Variants in INSL6 observed in about 807,000 individuals in gnomAD.
The protein encoded by INSL6 is insulin like 6, also known as insulin-like peptide INSL6.
In INSL6, 16 loss-of-function variants were observed where a neutral mutation model predicts 9.4. The ratio of observed to expected loss-of-function variants is 1.70; its 90% CI spans 1.15 to 2.59. The LOEUF is 2.59. INSL6 is among the 30% of genes most tolerant of loss of function. The pLI is 0.00. For synonymous variants in INSL6, 154 were observed against 96.9 expected (o/e 1.59, Z -3.46); for missense variants, 391 against 257.3 (o/e 1.52, Z -3.56).
At chr9:5,062,602 A>ATAC in the INSL6 span, among the ~76,000 whole-genome samples, 2 of 150,610 alleles carry the variant, frequency 1.3e-5, no homozygotes, top group African/African-American at 4.9e-5. Flanking sequence ...AATAAGAGGG[A>ATAC]TACTAGTTAG....
the INSL6 span, chr9:5,112,165 C>T: frequency 3.6e-6 from 1 of 277,964 alleles, no homozygotes; most frequent in South Asian, 3.1e-5. Context: ...CACGCTGCTA[C>T]CCGGCCACCG....
chr9:4,998,848 T>G, the INSL6 span, among the ~76,000 whole-genome samples: 1 of 152,122 alleles, frequency 6.6e-6, no homozygotes, highest in Non-Finnish European at 1.5e-5. Flanking sequence ...GTTCTTTTTT[T>G]GAGATGGAGT....
At chr9:5,131,599 G>A (rs147520058) in intron 3 of INSL6, among the ~76,000 whole-genome samples, 43 of 151,830 alleles carry the variant, frequency 2.8e-4, no homozygotes, top group South Asian at 6.3e-4. Context: ...CACCACGCCC[G>A]GCTAATTTTT....
Position 5,164,235 on chromosome 9 carries a change from C to T in INSL6, c.320G>A (p.Ser107Asn), listed in dbSNP as rs757560259. 1 of 1,606,068 alleles carries T rather than the reference C, an allele frequency of 6.2e-7. No homozygotes were observed. Among genetic ancestry groups the T allele is most frequent in the Non-Finnish European group, 8.5e-7 (1 of 1,177,078 alleles). The change falls in exon 2 of 2, where the codon AGT becomes AAT. Residue 107 changes from serine to asparagine, a missense_variant. By Grantham distance (46) the Ser-to-Asn change is conservative. Transcript: ENST00000381641. ...CTCAGGTAGTGACTGCATTTCCCAA[C>T]TGTTTACTGCTTCTTCCCAAGAAGT... ...VSTSWEEAVNSWEMQSLPEYK... is the reference protein window; with the variant it reads ...VSTSWEEAVNNWEMQSLPEYK...
chr9:5,023,024 A>T, the INSL6 span, among the ~76,000 whole-genome samples: 1 of 152,206 alleles, frequency 6.6e-6, no homozygotes, highest in Non-Finnish European at 1.5e-5. Context: ...GTACATTTCA[A>T]GTTCCTTCTA....
At chr9:5,185,183 T>C in intron 1 of INSL6, 131 bp downstream of exon 1, 2 of 1,161,858 alleles carry the variant, frequency 1.7e-6, no homozygotes, top group Non-Finnish European at 2.5e-6. Context: ...CACTGTTTTT[T>C]ACAATTTTTT....
the INSL6 span, chr9:5,089,770 G>A: frequency 1.3e-5 from 21 of 1,599,002 alleles, no homozygotes; most frequent in East Asian, 4.9e-4. Flanking sequence ...TAGTACTGAA[G>A]AGCACCTAAG....
downstream of INSL6, among the ~76,000 whole-genome samples, chr9:5,159,511 A>G (rs1280540209): frequency 6.6e-6 from 1 of 152,180 alleles, no homozygotes; most frequent in African/African-American, 2.4e-5. Context: ...CTCTACTTAT[A>G]TTAGACAAAT....
chr9:5,121,070 A>T (rs966871), downstream of INSL6, among the ~76,000 whole-genome samples: 58,519 of 152,016 alleles, frequency 0.38, 12,870 homozygotes, highest in African/African-American at 0.62. Context: ...AATCTGATGA[A>T]GAGACCCTGG....
the INSL6 span, among the ~76,000 whole-genome samples, chr9:5,026,627 G>C: frequency 6.6e-6 from 1 of 152,152 alleles, no homozygotes; most frequent in South Asian, 2.1e-4. Context: ...ATTGAAGTGT[G>C]GTTAGAGAAC....
At chr9:5,075,052 CA>C in the INSL6 span, among the ~76,000 whole-genome samples, 1 of 151,952 alleles carries the variant, frequency 6.6e-6, no homozygotes, top group African/African-American at 2.4e-5. Flanking sequence ...TCCCTTGAGC[CA>C]AAGCCCAATC....
chr9:5,126,327 T>C, intron 3 of INSL6: 1 of 1,580,016 alleles, frequency 6.3e-7, no homozygotes, highest in Non-Finnish European at 8.6e-7. Context: ...AGTGGGTTTG[T>C]TTTAGGAATT....
the INSL6 span, among the ~76,000 whole-genome samples, chr9:5,029,617 T>C: frequency 6.6e-6 from 1 of 152,210 alleles, no homozygotes; most frequent in Non-Finnish European, 1.5e-5. Context: ...AAGATTGTGA[T>C]TAATAATTCA....
At chr9:5,045,034 C>T in the INSL6 span, among the ~76,000 whole-genome samples, 1 of 152,194 alleles carries the variant, frequency 6.6e-6, no homozygotes, top group Admixed American at 6.5e-5. Flanking sequence ...TATTTGTTCA[C>T]TAATACAGTT....
intron 1 of INSL6, among the ~76,000 whole-genome samples, chr9:5,166,633 A>G (rs1825057733): frequency 6.6e-6 from 1 of 152,212 alleles, no homozygotes; most frequent in African/African-American, 2.4e-5. Context: ...AGAAAACCTA[A>G]GTGTACCAAC....
chr9:5,007,490 C>T, the INSL6 span, among the ~76,000 whole-genome samples: 1 of 152,000 alleles, frequency 6.6e-6, no homozygotes, highest in Non-Finnish European at 1.5e-5. Context: ...AAATGCAGAA[C>T]TTCACATTTT....
chr9:5,105,830 T>C, the INSL6 span, among the ~76,000 whole-genome samples: 1 of 152,216 alleles, frequency 6.6e-6, no homozygotes, highest in African/African-American at 2.4e-5. Flanking sequence ...CCTTATTTAA[T>C]AAATGGTGCT....
chr9:5,069,870 C>T, the INSL6 span: 1 of 1,202,228 alleles, frequency 8.3e-7, no homozygotes, highest in African/African-American at 1.5e-5. Context: ...CTCTTTGGAG[C>T]AATTCATACT....
At chr9:5,028,329 G>C in the INSL6 span, among the ~76,000 whole-genome samples, 3 of 152,106 alleles carry the variant, frequency 2.0e-5, no homozygotes, top group Admixed American at 1.3e-4. Context: ...AGGTCTCAAC[G>C]GTGGCTTAAA....
Sources: allele counts gnomAD v4.1 joint callset (sites outside exome capture counted in the v4.1 genomes callset), GRCh38; gene constraint gnomAD v4.1.1; transcripts MANE v1.5; gene names NCBI Gene and HGNC (gene_info 2026-07-23, HGNC 2026-07-21).